Variants in PHACTR3 observed in about 807,000 individuals in gnomAD.
The protein encoded by PHACTR3 is phosphatase and actin regulator 3, also known as protein phosphatase 1, regulatory subunit 123.
Under a neutral mutation model 66.8 loss-of-function variants are expected in PHACTR3, and 16 were observed. The observed-to-expected ratio is 0.24, with a 90% CI of 0.16 to 0.36. The LOEUF (loss-of-function observed/expected upper bound fraction) is 0.36, where lower values mean the gene tolerates loss of function less well. PHACTR3 is among the 10% of genes least tolerant of loss of function. PHACTR3 has a pLI of 1.00. For missense variants in PHACTR3, 647 were observed against 719.9 expected (o/e 0.90, Z 1.16); for synonymous variants, 323 against 292.1 (o/e 1.11, Z -1.08).
rs554845438 is a variant in PHACTR3 at position 59,780,962 on chromosome 20, C to A, written c.1174+6472C>A. On this transcript the variant is annotated intron_variant, in intron 7 of 12. Transcript: ENST00000371015. ...TGGTAATCAGCACTGTCACCCTCAT[C>A]ATCACTGTGGTTAAGGAGCATATAG... Among the ~76,000 whole-genome samples the A allele has an allele frequency of 1.6e-4, 24 of 152,296 alleles. 1 individual carries two copies. Among genetic ancestry groups the A allele is most frequent in the African/African-American group, 5.5e-4 (23 of 41,546 alleles).
intron 1 of PHACTR3, among the ~76,000 whole-genome samples, chr20:59,668,139 C>T (rs1001024131): frequency 4.6e-5 from 7 of 151,618 alleles, no homozygotes; most frequent in African/African-American, 1.7e-4. Context: ...TATGCCTGTA[C>T]GGGCTTAGAG....
At chr20:59,580,157 T>C (rs977899306) in intron 1 of PHACTR3, among the ~76,000 whole-genome samples, 1 of 151,854 alleles carries the variant, frequency 6.6e-6, no homozygotes, top group Non-Finnish European at 1.5e-5. Context: ...TGTGGCTGGG[T>C]TTCTTGGTTT....
chr20:59,839,697 C>A (rs2059024390), intron 9 of PHACTR3, among the ~76,000 whole-genome samples: 2 of 152,110 alleles, frequency 1.3e-5, no homozygotes, highest in Non-Finnish European at 2.9e-5. Flanking sequence ...TGTTAATAGT[C>A]ACAACTTACC....
At chr20:59,777,292 A>G (rs1278683265) in intron 7 of PHACTR3, among the ~76,000 whole-genome samples, 1 of 152,186 alleles carries the variant, frequency 6.6e-6, no homozygotes, top group Non-Finnish European at 1.5e-5. Flanking sequence ...CGATTTCCAA[A>G]TAAGGTCACT....
chr20:59,608,620 C>T (rs1475769432), intron 1 of PHACTR3, among the ~76,000 whole-genome samples: 1 of 152,192 alleles, frequency 6.6e-6, no homozygotes, highest in African/African-American at 2.4e-5. Context: ...GCCTCCTGGG[C>T]CTTCCTCAAC....
chr20:59,658,763 C>A (rs1000366721), intron 1 of PHACTR3, among the ~76,000 whole-genome samples: 6 of 152,188 alleles, frequency 3.9e-5, no homozygotes. Context: ...CATTCCTCTA[C>A]AACCTGATCC....
At chr20:59,783,391 C>A (rs1310425959) in intron 7 of PHACTR3, among the ~76,000 whole-genome samples, 2 of 152,172 alleles carry the variant, frequency 1.3e-5, no homozygotes, top group Non-Finnish European at 2.9e-5. Context: ...GAACGCACAG[C>A]CCCAGTGACA....
intron 1 of PHACTR3, among the ~76,000 whole-genome samples, chr20:59,728,850 A>AGT (rs2038659757): frequency 7.5e-6 from 1 of 133,804 alleles, no homozygotes; most frequent in African/African-American, 2.8e-5. Flanking sequence ...CCGTGGAGGG[A>AGT]GTGTGTGCCA....
At chr20:59,760,215 A>C (rs2039950045) in intron 4 of PHACTR3, among the ~76,000 whole-genome samples, 1 of 152,086 alleles carries the variant, frequency 6.6e-6, no homozygotes, top group Admixed American at 6.6e-5. Flanking sequence ...GAATATTGCA[A>C]ATCTCTCAGG....
chr20:59,734,854 A>G (rs903353839), intron 1 of PHACTR3, among the ~76,000 whole-genome samples: 5 of 152,006 alleles, frequency 3.3e-5, no homozygotes, highest in African/African-American at 1.2e-4. Flanking sequence ...ACCCAACTCA[A>G]TTATCACTAC....
At chr20:59,596,917 C>T (rs1280796395) in intron 1 of PHACTR3, among the ~76,000 whole-genome samples, 2 of 152,386 alleles carry the variant, frequency 1.3e-5, no homozygotes, top group East Asian at 3.9e-4. Context: ...ACTACTACCT[C>T]TCCATGCTGT....
Position 59,738,544 on chromosome 20 carries a change from G to C in PHACTR3, c.119-4563G>C, listed in dbSNP as rs6100572. Among the ~76,000 whole-genome samples the C allele has an allele frequency of 0.057, 8,731 of 152,128 alleles. 698 individuals are homozygous for C. The highest frequency in any genetic ancestry group is 0.22 in the East Asian group (1,141 of 5,162). ...GGTGGCAAAGAAAGTTGGGTTCAGG[G>C]TCTGATCTGTAGTTTATTCTGTGTG... On this transcript the variant is annotated intron_variant, in intron 1 of 12. Transcript: ENST00000371015. The surrounding 1 kb of genome is among the most constrained non-coding windows in gnomAD (Gnocchi z 4.4).
intron 7 of PHACTR3, among the ~76,000 whole-genome samples, chr20:59,782,452 A>G (rs2040756263): frequency 6.6e-6 from 1 of 152,082 alleles, no homozygotes; most frequent in Non-Finnish European, 1.5e-5. Flanking sequence ...GAGTTTCACC[A>G]TGTTGGCCAG....
chr20:59,621,379 C>T (rs751129364), intron 1 of PHACTR3, among the ~76,000 whole-genome samples: 11 of 152,240 alleles, frequency 7.2e-5, no homozygotes, highest in Non-Finnish European at 1.6e-4. Flanking sequence ...GGACCCCACA[C>T]AGGGATTAGG....
At chr20:59,842,272 A>T (rs1416387) in intron 11 of PHACTR3, among the ~76,000 whole-genome samples, 11 of 152,236 alleles carry the variant, frequency 7.2e-5, no homozygotes, top group African/African-American at 2.4e-4. Context: ...ATTAATTTTC[A>T]GAAGACTTAA....
At position 59,806,143 on chromosome 20, in the gene PHACTR3, C is replaced by G; in HGVS notation, c.1277C>G (p.Thr426Ser). 1.2e-6 allele frequency: 2 copies of G among 1,614,240 alleles called. No homozygotes were observed. Among genetic ancestry groups the G allele is most frequent in the Middle Eastern group, 1.6e-4 (1 of 6,062 alleles). ...LEDRNIFPRR[T>S]DEERQEIRQQ... ...GACCGGAACATTTTCCCCAGAAGGACTGATGAAGAAAGACAGGAGATCCGG... is the reference window on the plus strand; with the variant it reads ...GACCGGAACATTTTCCCCAGAAGGAGTGATGAAGAAAGACAGGAGATCCGG... The change falls in exon 8 of 13, where the codon ACT becomes AGT. Residue 426 changes from threonine to serine, a missense_variant. This residue lies in a region of PHACTR3 where 577 missense variants were observed against 571.1 expected (regional missense o/e 1.01). Coordinates refer to ENST00000371015, the MANE Select transcript of PHACTR3 (RefSeq NM_080672.5).
At chr20:59,836,324 C>T (rs2058964603) in intron 8 of PHACTR3, 181 bp from the exon 9 acceptor site, 3 of 571,274 alleles carry the variant, frequency 5.3e-6, no homozygotes, top group Non-Finnish European at 6.1e-6. Context: ...TTGACTGTCA[C>T]CTGGAAGTCT....
chr20:59,611,511 C>T lies in PHACTR3; in HGVS notation c.118+6379C>T, dbSNP rs118012264. ...AGGGGCCAGGCAGGAGTCATGGGAC[C>T]GTGTCCCTCAGTGACGCAGAACAGC... On this transcript the variant is annotated intron_variant, in intron 1 of 12. Coordinates refer to ENST00000371015, the MANE Select transcript of PHACTR3 (RefSeq NM_080672.5). Among the ~76,000 whole-genome samples the T allele has an allele frequency of 1.9e-4, 29 of 152,328 alleles. No homozygotes were observed. In the East Asian group the frequency reaches 2.3e-3, roughly 12 times the overall value.
intron 1 of PHACTR3, among the ~76,000 whole-genome samples, chr20:59,644,497 G>T (rs1391290403): frequency 6.6e-6 from 1 of 152,152 alleles, no homozygotes; most frequent in African/African-American, 2.4e-5. Flanking sequence ...ACAGGGGGCG[G>T]GAGCTGAGTT....
Sources: allele counts gnomAD v4.1 joint callset (sites outside exome capture counted in the v4.1 genomes callset), GRCh38; gene constraint gnomAD v4.1.1; regional missense constraint gnomAD v4.1.1; non-coding constraint Gnocchi (gnomAD v3.1); transcripts MANE v1.5; gene names NCBI Gene and HGNC (gene_info 2026-07-23, HGNC 2026-07-21).